Variants in TSPAN33 observed in about 807,000 individuals in gnomAD.
The protein encoded by TSPAN33 is tetraspanin 33.
Under a neutral mutation model 34.8 loss-of-function variants are expected in TSPAN33, and 27 were observed. The ratio of observed to expected loss-of-function variants is 0.78; its 90% CI spans 0.57 to 1.07. The LOEUF (loss-of-function observed/expected upper bound fraction) is 1.07, where lower values mean the gene tolerates loss of function less well. Ranked by LOEUF, TSPAN33 falls within the 50% of genes least tolerant of loss-of-function variation. The pLI is 0.00. For synonymous variants in TSPAN33, 119 were observed against 124.2 expected, an observed-to-expected ratio of 0.96 and a Z score of 0.28; for missense variants, 272 against 324.9, an observed-to-expected ratio of 0.84 and a Z score of 1.25.
chr7:129,167,516 C>T lies in TSPAN33; in HGVS notation c.706C>T (p.Leu236=), dbSNP rs1793161107. The change falls in exon 7 of 8, where the codon CTA becomes TTA. Residue 236 remains leucine, a synonymous_variant. Transcript: ENST00000486685. The surrounding 1 kb of genome is among the most constrained non-coding windows in gnomAD (Gnocchi z 4.6). ...DKLVNWIHSN[L]FLLGGVALGL... is the part of the protein sequence containing the mutation. ...GTTGGTCAACTGGATACACAGCAAC[C>T]TATTCTTACTTGGTGGTGTGGCTCT... 6.2e-7 allele frequency: 1 copy of T among 1,614,206 alleles called. No homozygotes were observed. Among genetic ancestry groups the T allele is most frequent in the Admixed American group, 1.7e-5 (1 of 60,014 alleles).
intron 1 of TSPAN33, among the ~76,000 whole-genome samples, chr7:129,147,129 G>A (rs1383415054): frequency 6.6e-6 from 1 of 152,020 alleles, no homozygotes; most frequent in African/African-American, 2.4e-5. Context: ...TTAGAATAGA[G>A]CCCCTTCTTG....
chr7:129,147,006 C>CTT (rs1316215293), intron 1 of TSPAN33, among the ~76,000 whole-genome samples: 6 of 151,358 alleles, frequency 4.0e-5, no homozygotes, highest in African/African-American at 1.5e-4. Flanking sequence ...GGACAAACGA[C>CTT]TTTGAGAGAT....
Position 129,167,031 on chromosome 7 carries a change from G to C in TSPAN33, c.588+125G>C. The C allele has an allele frequency of 1.6e-6, 2 of 1,216,924 alleles. No individual in the cohort carries two copies. The highest frequency in any genetic ancestry group is 4.7e-5 in the East Asian group (2 of 42,346). 75.4% of individuals were successfully genotyped at this position (1,216,924 alleles called of 1,614,324 possible). On this transcript the variant is annotated intron_variant, in intron 6 of 7. Coordinates refer to ENST00000486685, the MANE Select transcript of TSPAN33 (RefSeq NM_178562.5). The surrounding 1 kb of genome is among the most constrained non-coding windows in gnomAD (Gnocchi z 4.6). ...GATCAGTCATGTGGGACAGCTGTCAGGTGTTTTTCTTCACCCCAACCTGAT... is the reference window on the plus strand; with the variant it reads ...GATCAGTCATGTGGGACAGCTGTCACGTGTTTTTCTTCACCCCAACCTGAT...
Position 129,162,462 on chromosome 7 carries a change from C to CAAGG in TSPAN33, c.229_230insAAGG (p.Leu77GlnfsTer53). 6.2e-7 allele frequency: 1 copy of CAAGG among 1,614,010 alleles called. No homozygotes were observed. Among genetic ancestry groups the CAAGG allele is most frequent in the East Asian group, 2.2e-5 (1 of 44,884 alleles). On this transcript the variant is annotated frameshift_variant, in exon 3 of 8. Transcript: ENST00000486685. LOFTEE classifies it high-confidence loss of function. ...GATCGTGGTGGGTGTCCTCATGTTCCTGCTCACCTTCTGTGGCTGCATTGG... is the reference window on the plus strand; with the variant it reads ...GATCGTGGTGGGTGTCCTCATGTTCCAAGGTGCTCACCTTCTGTGGCTGCATTGG...
Position 129,144,962 on chromosome 7 carries a change from C to A in TSPAN33, c.-19C>A. Reference sequence around the variant, plus strand: ...CCGCTGGGAAATAGGCCCCCGGGGGCGGTGGCGGCGGCGGGGCCATGGCGC... The same window carrying A: ...CCGCTGGGAAATAGGCCCCCGGGGGAGGTGGCGGCGGCGGGGCCATGGCGC... On this transcript the variant is annotated 5_prime_UTR_variant, in exon 1 of 8. Transcript: ENST00000486685. 1.7e-6 allele frequency: 1 copy of A among 597,922 alleles called. No individual in the cohort carries two copies. The highest frequency in any genetic ancestry group is 3.2e-5 in the Admixed American group (1 of 30,856). 37.0% of individuals were successfully genotyped at this position (597,922 alleles called of 1,614,324 possible). A position where few individuals can be genotyped will look rare whatever the true frequency, so the allele number is the denominator to read the frequency against.
Position 129,167,893 on chromosome 7 carries a change from C to G in TSPAN33, c.*19C>G. 1.9e-6 allele frequency: 3 copies of G among 1,612,608 alleles called. No homozygotes were observed. The highest frequency in any genetic ancestry group is 2.5e-6 in the Non-Finnish European group (3 of 1,179,456). ...GTACTGAGAATCCATCCTGCACCTC[C>G]TCACCATGGAAACTGGCAAGCCTCA... On this transcript the variant is annotated 3_prime_UTR_variant, in exon 8 of 8. Coordinates refer to ENST00000486685, the MANE Select transcript of TSPAN33 (RefSeq NM_178562.5). This position sits in a 1 kb window ranked among gnomAD's most constrained non-coding sequence, Gnocchi z 4.6.
At position 129,168,468 on chromosome 7, in the gene TSPAN33, CAG is replaced by C. The variant is rs1793177563; in HGVS notation, c.*597_*598del. On this transcript the variant is annotated 3_prime_UTR_variant, in exon 8 of 8. Transcript: ENST00000486685. ...CTGTCCTGCCATCCTCCCAGGTAGT[CAG>C]AGTGAGCTACATCCTGCCCCGCCTT... is the stretch of plus-strand genomic sequence containing the variant. 6.5e-6 allele frequency: 1 copy of C among 153,574 alleles called. No individual in the cohort carries two copies. Among genetic ancestry groups the C allele is most frequent in the African/African-American group, 2.4e-5 (1 of 41,452 alleles). 9.5% of individuals were successfully genotyped at this position (153,574 alleles called of 1,614,324 possible).
chr7:129,153,636 A>G (rs7796958), intron 1 of TSPAN33, among the ~76,000 whole-genome samples: 1,975 of 82,684 alleles, frequency 0.024, 39 homozygotes, highest in African/African-American at 0.079. Context: ...GGTCACAGTA[A>G]TAGTGTATTA....
chr7:129,149,668 C>T (rs1688741887), intron 1 of TSPAN33, among the ~76,000 whole-genome samples: 1 of 69,098 alleles, frequency 1.4e-5, no homozygotes, highest in African/African-American at 4.7e-5. Context: ...CAAGCCCTTG[C>T]AGACCTCCCT....
Position 129,166,909 on chromosome 7 carries a change from G to A in TSPAN33, c.588+3G>A, listed in dbSNP as rs750418741. The stretch of plus-strand genomic sequence containing the variant: ...GTTGCTTGCCTACTCCTGACCAGGT[G>A]AGCCAGCATCCTGCCTCATTTCCTC... On this transcript the variant is annotated splice_donor_region_variant and intron_variant, in intron 6 of 7. Transcript: ENST00000486685. 2 of 1,612,252 alleles carry A rather than the reference G, an allele frequency of 1.2e-6. No individual in the cohort carries two copies. The highest frequency in any genetic ancestry group is 2.2e-5 in the South Asian group (2 of 90,764).
At chr7:129,161,591 C>A in intron 1 of TSPAN33, 88 bp from the exon 2 acceptor site, 3 of 1,295,378 alleles carry the variant, frequency 2.3e-6, no homozygotes, top group Non-Finnish European at 3.4e-6. Flanking sequence ...GAAAGCAGTC[C>A]TTCTCCTGCT....
intron 1 of TSPAN33, among the ~76,000 whole-genome samples, chr7:129,153,739 A>G (rs902926024): frequency 6.6e-6 from 1 of 152,082 alleles, no homozygotes; most frequent in Non-Finnish European, 1.5e-5. Flanking sequence ...CCAGGAGTTC[A>G]AGACCAGCCT....
rs928959144 is a variant in TSPAN33 at position 129,165,336 on chromosome 7, G to T, written c.459+767G>T. 1.3e-5 allele frequency among the ~76,000 whole-genome samples: 2 copies of T among 152,070 alleles called. No homozygotes were observed. Among genetic ancestry groups the T allele is most frequent in the Non-Finnish European group, 2.9e-5 (2 of 68,014 alleles). On this transcript the variant is annotated intron_variant, in intron 5 of 7. Transcript: ENST00000486685. The surrounding 1 kb of genome is among the most constrained non-coding windows in gnomAD (Gnocchi z 4.5). ...TAAAGCCCCATTTTCCTCTCCTCCA[G>T]CAACCACCATTCTACTTTCTGTCTG...
chr7:129,166,861 G>T lies in TSPAN33; in HGVS notation c.543G>T (p.Glu181Asp). The T allele has an allele frequency of 1.2e-6, 2 of 1,614,164 alleles. No homozygotes were observed. The highest frequency in any genetic ancestry group is 1.7e-6 in the Non-Finnish European group (2 of 1,180,030). Residue 181 changes from glutamate (E) to aspartate (D), a missense_variant, in exon 6 of 8, where the codon GAG (glutamate) becomes GAT (aspartate). Coordinates refer to ENST00000486685, the MANE Select transcript of TSPAN33 (RefSeq NM_178562.5). ...GCTCAGAAGACAACCCCAGTCGAGA[G>T]CGCTGCTCTGTGCCTTACTCCTGTT... The part of the protein sequence containing the change: ...FNCSEDNPSR[E>D]RCSVPYSCCL...
intron 3 of TSPAN33, 111 bp from the exon 4 acceptor site, chr7:129,162,722 T>C (rs1793071730): frequency 1.4e-6 from 2 of 1,426,344 alleles, no homozygotes; most frequent in Admixed American, 1.8e-5. Context: ...GCCTTTCTCA[T>C]GTGTGGGGCA....
At chr7:129,162,370 G>A (rs1793066313) in intron 2 of TSPAN33, 24 bp from the exon 3 acceptor site, 5 of 1,608,892 alleles carry the variant, frequency 3.1e-6, no homozygotes, top group Non-Finnish European at 4.2e-6. Flanking sequence ...CCAGGCTCAG[G>A]CTGAGGGCCG....
At chr7:129,164,721 G>A (rs757200306) in intron 5 of TSPAN33, 152 bp downstream of exon 5, 29 of 658,242 alleles carry the variant, frequency 4.4e-5, no homozygotes, top group Non-Finnish European at 7.0e-5. Context: ...GTAGCAGAGT[G>A]CTTTAAATGT....
chr7:129,165,813 G>C lies in TSPAN33; in HGVS notation c.460-965G>C, dbSNP rs1176856263. On this transcript the variant is annotated intron_variant, in intron 5 of 7. Coordinates refer to ENST00000486685, the MANE Select transcript of TSPAN33 (RefSeq NM_178562.5). The surrounding 1 kb of genome is among the most constrained non-coding windows in gnomAD (Gnocchi z 4.5). ...TAGTCCCAGCTACTCAGGAGGCTGA[G>C]GTGCGAGAATAGCTTGAATTTGGGA... 1.3e-5 allele frequency among the ~76,000 whole-genome samples: 2 copies of C among 152,158 alleles called. No individual in the cohort carries two copies. The highest frequency in any genetic ancestry group is 4.8e-5 in the African/African-American group (2 of 41,448).
At chr7:129,150,693 A>G (rs1810581119) in intron 1 of TSPAN33, among the ~76,000 whole-genome samples, 1 of 152,198 alleles carries the variant, frequency 6.6e-6, no homozygotes, top group Admixed American at 6.5e-5. Flanking sequence ...GACAGTGTTT[A>G]GCCCAGCGCC....
Sources: gnomAD v4.1 joint callset for allele counts (sites outside exome capture counted in the v4.1 genomes callset) on GRCh38, gnomAD v4.1.1 for gene constraint, Gnocchi (gnomAD v3.1) non-coding constraint, MANE v1.5 for transcripts, NCBI Gene and HGNC (gene_info 2026-07-23, HGNC 2026-07-21) for gene names.